The following PREPL variants were observed in gnomAD, a reference collection of about 807,000 sequenced individuals.
PREPL encodes prolyl endopeptidase-like.
A neutral mutation model predicts 70.6 loss-of-function variants in PREPL; 77 were observed. That is an observed-to-expected ratio of 1.09 (90% CI 0.91 to 1.32). PREPL has a LOEUF of 1.32. Ranked by LOEUF, PREPL falls within the 40% of genes most tolerant of loss-of-function variation. The pLI, the probability that PREPL is intolerant of heterozygous loss-of-function variation, is 0.00. For missense variants in PREPL, 1,002 were observed against 778.2 expected, an observed-to-expected ratio of 1.29 and a Z score of -3.42; for synonymous variants, 315 against 264.8, an observed-to-expected ratio of 1.19 and a Z score of -1.84.
chr2:44,345,360 T>C (rs1473356276), intron 2 of PREPL, among the ~76,000 whole-genome samples: 2 of 149,046 alleles, frequency 1.3e-5, no homozygotes, highest in Non-Finnish European at 3.0e-5. Flanking sequence ...TCATTTTTTC[T>C]TTTTTTTTTG....
chr2:44,357,752 C>A (rs1022626675), intron 1 of PREPL, among the ~76,000 whole-genome samples: 3 of 152,024 alleles, frequency 2.0e-5, no homozygotes, highest in African/African-American at 4.8e-5. Context: ...TACGACATGA[C>A]AAAATGTTCT....
At chr2:44,332,401 C>G in intron 8 of PREPL, 58 bp downstream of exon 8, 2 of 1,448,874 alleles carry the variant, frequency 1.4e-6, no homozygotes, top group South Asian at 1.2e-5. Flanking sequence ...TGCATGGCAT[C>G]TGGCAAACGG....
At chr2:44,357,670 G>A (rs1351938733) in intron 1 of PREPL, among the ~76,000 whole-genome samples, 2 of 152,190 alleles carry the variant, frequency 1.3e-5, no homozygotes, top group Non-Finnish European at 2.9e-5. Context: ...TTTAGAATGT[G>A]AGCTAATATC....
At chr2:44,342,922 C>T (rs1675386331) in intron 4 of PREPL, among the ~76,000 whole-genome samples, 2 of 152,218 alleles carry the variant, frequency 1.3e-5, no homozygotes, top group African/African-American at 4.8e-5. Flanking sequence ...TTGCATCTTT[C>T]TCTCATGTGT....
rs7584224 is a variant in PREPL at position 44,357,017 on chromosome 2, G to C, written c.-49+4363C>G. Among the ~76,000 whole-genome samples the C allele has an allele frequency of 3.4e-3, 523 of 152,294 alleles. 4 individuals are homozygous for C. Among genetic ancestry groups the C allele is most frequent in the African/African-American group, 0.012 (485 of 41,564 alleles). On this transcript the variant is annotated intron_variant, in intron 1 of 13. Coordinates refer to ENST00000409411, the MANE Select transcript of PREPL (RefSeq NM_001171613.2). ...GTTGGGGTTTTGCCATGTTGCCAAG[G>C]CTGGTCTCGAATTCCTGAGCTCGGA...
At chr2:44,339,018 G>A (rs1674934211) in intron 6 of PREPL, 129 bp downstream of exon 6, 4 of 1,405,168 alleles carry the variant, frequency 2.8e-6, no homozygotes, top group South Asian at 3.0e-5. Flanking sequence ...GAAAAGAAAT[G>A]GGATTGGTTA....
Position 44,326,791 on chromosome 2 carries a change from G to C in PREPL, c.1400C>G (p.Thr467Ser), listed in dbSNP as rs774271785. 2.5e-6 allele frequency: 4 copies of C among 1,614,076 alleles called. No homozygotes were observed. In the African/African-American group the frequency reaches 5.3e-5, roughly 22 times the overall value. ...GFSQPSLTTL[T>S]AFSAGGVLAG... Reference sequence around the variant, plus strand: ...AAGCACCCCTCCAGCACTGAAAGCAGTCAGGGTTGTTAGACTTGGCTGAGA... The same window carrying C: ...AAGCACCCCTCCAGCACTGAAAGCACTCAGGGTTGTTAGACTTGGCTGAGA... Residue 467 changes from threonine to serine, a missense_variant, in exon 10 of 14, where the codon ACT becomes AGT. Physicochemically the swap from Thr to Ser is moderately conservative, Grantham distance 58. Coordinates refer to ENST00000409411, the MANE Select transcript of PREPL (RefSeq NM_001171613.2).
chr2:44,335,401 T>G (rs1450976383), intron 7 of PREPL, among the ~76,000 whole-genome samples: 1 of 152,216 alleles, frequency 6.6e-6, no homozygotes, highest in South Asian at 2.1e-4. Context: ...TTCTCTCCCA[T>G]TCTTATTCAT....
chr2:44,361,168 G>C (rs898363354), intron 1 of PREPL, among the ~76,000 whole-genome samples: 1 of 152,178 alleles, frequency 6.6e-6, no homozygotes, highest in Non-Finnish European at 1.5e-5. Context: ...GTAGATAAAT[G>C]GGTGTTCTCA....
chr2:44,352,388 C>G (rs1453849466), intron 1 of PREPL, among the ~76,000 whole-genome samples: 1 of 152,116 alleles, frequency 6.6e-6, no homozygotes, highest in Non-Finnish European at 1.5e-5. Context: ...GATCTCAGCT[C>G]TCAAGTAGCT....
chr2:44,327,497 G>A (rs1489264753), intron 9 of PREPL, among the ~76,000 whole-genome samples: 1 of 152,146 alleles, frequency 6.6e-6, no homozygotes, highest in African/African-American at 2.4e-5. Context: ...GCAAAGAAAA[G>A]GCATTAAGAC....
intron 1 of PREPL, among the ~76,000 whole-genome samples, chr2:44,358,289 A>G (rs925241191): frequency 6.6e-6 from 1 of 152,240 alleles, no homozygotes; most frequent in African/African-American, 2.4e-5. Context: ...TGAATTGCAT[A>G]CTTTAAAATG....
Position 44,320,530 on chromosome 2 carries a change from A to G in PREPL, c.*826T>C. The G allele has an allele frequency of 6.2e-7, 1 of 1,614,134 alleles. No individual in the cohort carries two copies. Among genetic ancestry groups the G allele is most frequent in the South Asian group, 1.1e-5 (1 of 91,084 alleles). On this transcript the variant is annotated 3_prime_UTR_variant, in exon 14 of 14. Transcript: ENST00000409411. ...AAGGGAGAGGGACTCATCTTTGAAC[A>G]CAACACGAAGAATCTCCTTCATCGC...
chr2:44,339,333 G>A lies in PREPL; in HGVS notation c.516C>T (p.Asp172=), dbSNP rs138620283. The change falls in exon 6 of 14, where the codon GAC becomes GAT. Residue 172 remains aspartate (D), a synonymous_variant. Coordinates refer to ENST00000409411, the MANE Select transcript of PREPL (RefSeq NM_001171613.2). ...TAATATTTATGGTGAGGAAACGACT[G>A]TCTTTTGTAAGATAAAGGAAAACAA... ...SYFVFLYLTK[D]SRFLTINIMN... is the part of the protein sequence containing the mutation. 6.7e-5 allele frequency: 108 copies of A among 1,613,858 alleles called. No individual in the cohort carries two copies. The African/African-American group carries it at 1.3e-3, about 20-fold the overall frequency.
Position 44,342,544 on chromosome 2 carries a change from T to C in PREPL, c.358A>G (p.Lys120Glu), listed in dbSNP as rs752415439. The C allele has an allele frequency of 6.3e-7, 1 of 1,579,236 alleles. No individual in the cohort carries two copies. Among genetic ancestry groups the C allele is most frequent in the Non-Finnish European group, 8.6e-7 (1 of 1,163,544 alleles). ...FPNVSSFEWV[K>E]DEEDEDVLFY... is the part of the protein sequence containing the mutation. ...AAAACATCTTCATCTTCCTCGTCCTTTACCCATTCTGAAAGAAAATAATGA... is the reference window on the plus strand; with the variant it reads ...AAAACATCTTCATCTTCCTCGTCCTCTACCCATTCTGAAAGAAAATAATGA... The change falls in exon 5 of 14, where the codon AAG becomes GAG. Residue 120 changes from lysine (K) to glutamate (E), a missense_variant. Lys to Glu is a moderately conservative substitution (Grantham distance 56). Coordinates refer to ENST00000409411, the MANE Select transcript of PREPL (RefSeq NM_001171613.2).
At chr2:44,346,155 G>T in intron 2 of PREPL, 113 bp downstream of exon 2, 2 of 977,772 alleles carry the variant, frequency 2.0e-6, no homozygotes, top group Non-Finnish European at 3.0e-6. Flanking sequence ...TATTTTAAAG[G>T]CCAAAAGCAG....
chr2:44,324,716 AAAC>A (rs1673320575), intron 10 of PREPL, among the ~76,000 whole-genome samples: 1 of 151,914 alleles, frequency 6.6e-6, no homozygotes, highest in Admixed American at 6.6e-5. Context: ...CATCTCTACA[AAAC>A]AACAACAAAC....
Position 44,319,214 on chromosome 2 carries a change from CAAT to C in PREPL, c.*2139_*2141del, listed in dbSNP as rs1186073643. 6.6e-6 allele frequency: 1 copy of C among 152,568 alleles called. No homozygotes were observed. The highest frequency in any genetic ancestry group is 1.5e-5 in the Non-Finnish European group (1 of 68,004). The allele number at this position is 152,568 out of a possible 1,614,324, so 9.5% of individuals were successfully genotyped here. On this transcript the variant is annotated 3_prime_UTR_variant, in exon 14 of 14. Transcript: ENST00000409411. ...TACCCCTAAAGAACAATAACAACCA[CAAT>C]AACAACTATCACCCCAGTAAACATG...
chr2:44,344,318 G>A (rs553839896), intron 3 of PREPL, among the ~76,000 whole-genome samples: 2 of 152,074 alleles, frequency 1.3e-5, no homozygotes, highest in East Asian at 3.9e-4. Context: ...AATGCTGGAT[G>A]CCGTCTCCAT....
Sources: allele counts gnomAD v4.1 joint callset (sites outside exome capture counted in the v4.1 genomes callset), GRCh38; gene constraint gnomAD v4.1.1; transcripts MANE v1.5; gene names NCBI Gene and HGNC (gene_info 2026-07-23, HGNC 2026-07-21).